Variants in LOXL1 observed in about 807,000 individuals in gnomAD.
The protein encoded by LOXL1 is lysyl oxidase like 1, also known as lysyl oxidase homolog 1.
Under a neutral mutation model 62.2 loss-of-function variants are expected in LOXL1, and 31 were observed. That is an observed-to-expected ratio of 0.50 (90% CI 0.37 to 0.67). The LOEUF is 0.67. LOXL1 is among the 30% of genes least tolerant of loss of function. The probability of loss-of-function intolerance (pLI) is 0.00; values close to 1 mark genes in which losing one functional copy is unlikely to be tolerated. For missense variants in LOXL1, 775 were observed against 843.4 expected, an observed-to-expected ratio of 0.92 and a Z score of 1.00; for synonymous variants, 403 against 384.4, an observed-to-expected ratio of 1.05 and a Z score of -0.56.
At position 73,945,222 on chromosome 15, in the gene LOXL1, T is replaced by A. The variant is rs1030656066; in HGVS notation, c.1212-1195T>A. On this transcript the variant is annotated intron_variant, in intron 2 of 6. Transcript: ENST00000261921. The surrounding 1 kb of genome is among the most constrained non-coding windows in gnomAD (Gnocchi z 4.3). ...AGGTGACTTGCGAGCAGGCAATTCATACCAGACCCATGTTCCCTGAATGGA... is the reference window on the plus strand; with the variant it reads ...AGGTGACTTGCGAGCAGGCAATTCAAACCAGACCCATGTTCCCTGAATGGA... Among the ~76,000 whole-genome samples the A allele has an allele frequency of 1.3e-5, 2 of 152,192 alleles. No homozygotes were observed. The highest frequency in any genetic ancestry group is 4.8e-5 in the African/African-American group (2 of 41,462).
chr15:73,927,280 C>G lies in LOXL1; in HGVS notation c.497C>G (p.Thr166Ser), dbSNP rs138426608. Residue 166 changes from threonine to serine, a missense_variant, in exon 1 of 7, where the codon ACC becomes AGC. Thr to Ser is a moderately conservative substitution (Grantham distance 58). Transcript: ENST00000261921. The part of the protein sequence containing the change: ...SSVSASAFAS[T>S]YRQQPSYPQQ... ...GTCTCGGCTTCGGCCTTCGCCAGCACCTACCGCCAGCAGCCCTCCTACCCG... is the reference window on the plus strand; with the variant it reads ...GTCTCGGCTTCGGCCTTCGCCAGCAGCTACCGCCAGCAGCCCTCCTACCCG... 1.2e-4 allele frequency: 185 copies of G among 1,603,486 alleles called. No individual in the cohort carries two copies. In the African/African-American group the frequency reaches 2.2e-3, roughly 19 times the overall value.
chr15:73,952,128 G>C lies in LOXL1; in HGVS notation c.*291G>C, dbSNP rs749514017. Reference sequence around the variant, plus strand: ...CCAGGTCTGGGCTGAATAAAACAAGGTTTTTCTACTCTGTGGCTCTGCATG... The same window carrying C: ...CCAGGTCTGGGCTGAATAAAACAAGCTTTTTCTACTCTGTGGCTCTGCATG... On this transcript the variant is annotated 3_prime_UTR_variant, in exon 7 of 7. Coordinates refer to ENST00000261921, the MANE Select transcript of LOXL1 (RefSeq NM_005576.4). 5 of 347,292 alleles carry C rather than the reference G, an allele frequency of 1.4e-5. No homozygotes were observed. Among genetic ancestry groups the C allele is most frequent in the Non-Finnish European group, 2.6e-5 (5 of 193,184 alleles). 21.5% of individuals were successfully genotyped at this position (347,292 alleles called of 1,614,324 possible). A position where few individuals can be genotyped will look rare whatever the true frequency, so the allele number is the denominator to read the frequency against.
At position 73,945,255 on chromosome 15, in the gene LOXL1, A is replaced by G. The variant is rs1279487922; in HGVS notation, c.1212-1162A>G. ...CCATGTTCCCTGAATGGAAAAGGGCAGGTTGCCAGCCTGAAGCCATGCAAT... is the reference window on the plus strand; with the variant it reads ...CCATGTTCCCTGAATGGAAAAGGGCGGGTTGCCAGCCTGAAGCCATGCAAT... On this transcript the variant is annotated intron_variant, in intron 2 of 6. Transcript: ENST00000261921. The surrounding 1 kb of genome is among the most constrained non-coding windows in gnomAD (Gnocchi z 4.3). 6.6e-6 allele frequency among the ~76,000 whole-genome samples: 1 copy of G among 152,210 alleles called. No homozygotes were observed. Among genetic ancestry groups the G allele is most frequent in the African/African-American group, 2.4e-5 (1 of 41,450 alleles).
rs904395014 is a variant in LOXL1 at position 73,946,055 on chromosome 15, T to C, written c.1212-362T>C. ...CCCCCGCAATAGGGCTGTTTTTCAG[T>C]GGCCCTTCAGAGATTGCTATGTGCT... On this transcript the variant is annotated intron_variant, in intron 2 of 6. Transcript: ENST00000261921. Among the ~76,000 whole-genome samples the C allele has an allele frequency of 2.6e-5, 4 of 152,206 alleles. No homozygotes were observed. In the East Asian group the frequency reaches 7.7e-4, roughly 29 times the overall value.
rs769399676 is a variant in LOXL1 at position 73,926,817 on chromosome 15, G to T, written c.34G>T (p.Ala12Ser). ...ALARGSRQLG[A>S]LVWGACLCVL... is the part of the protein sequence containing the mutation. Reference sequence around the variant, plus strand: ...GGCCCGAGGCAGCCGGCAGCTGGGGGCCCTGGTGTGGGGCGCCTGCCTGTG... The same window carrying T: ...GGCCCGAGGCAGCCGGCAGCTGGGGTCCCTGGTGTGGGGCGCCTGCCTGTG... The change falls in exon 1 of 7, where the codon GCC (alanine) becomes TCC (serine). Residue 12 changes from alanine to serine, a missense_variant. Coordinates refer to ENST00000261921, the MANE Select transcript of LOXL1 (RefSeq NM_005576.4). The T allele has an allele frequency of 2.0e-6, 3 of 1,504,240 alleles. No homozygotes were observed. The East Asian group carries it at 7.8e-5, about 39-fold the overall frequency. 93.2% of individuals were successfully genotyped at this position (1,504,240 alleles called of 1,614,324 possible). A position where few individuals can be genotyped will look rare whatever the true frequency, so the allele number is the denominator to read the frequency against.
chr15:73,937,587 G>A (rs866723080), intron 1 of LOXL1, among the ~76,000 whole-genome samples: 6 of 152,372 alleles, frequency 3.9e-5, no homozygotes, highest in South Asian at 2.1e-4. Context: ...CACAGAGGCC[G>A]GCACAGGGCC....
At position 73,930,502 on chromosome 15, in the gene LOXL1, C is replaced by G. The variant is rs2068628253; in HGVS notation, c.1102+2617C>G. Among the ~76,000 whole-genome samples the G allele has an allele frequency of 6.6e-6, 1 of 152,170 alleles. No homozygotes were observed. Among genetic ancestry groups the G allele is most frequent in the South Asian group, 2.1e-4 (1 of 4,820 alleles). Reference sequence around the variant, plus strand: ...TGGAAAATCCCAGCCCAGGGAAGGCCAAGCCTTGTGCTTGAGATCAGACCC... The same window carrying G: ...TGGAAAATCCCAGCCCAGGGAAGGCGAAGCCTTGTGCTTGAGATCAGACCC... On this transcript the variant is annotated intron_variant, in intron 1 of 6. Coordinates refer to ENST00000261921, the MANE Select transcript of LOXL1 (RefSeq NM_005576.4). This position sits in a 1 kb window ranked among gnomAD's most constrained non-coding sequence, Gnocchi z 4.7.
chr15:73,927,963 CCTT>C (rs1472552570), intron 1 of LOXL1, 78 bp downstream of exon 1: 11 of 1,231,732 alleles, frequency 8.9e-6, no homozygotes, highest in Non-Finnish European at 1.1e-5. Flanking sequence ...CCGGGCCCCT[CCTT>C]AGAACTTCCT....
intron 1 of LOXL1, among the ~76,000 whole-genome samples, chr15:73,938,058 G>A (rs565623088): frequency 3.3e-5 from 5 of 152,310 alleles, no homozygotes; most frequent in East Asian, 1.9e-4. Context: ...AGGCCAAGGC[G>A]GGTGGAACAC....
intron 1 of LOXL1, among the ~76,000 whole-genome samples, chr15:73,934,966 G>A (rs2068660540): frequency 6.6e-6 from 1 of 152,208 alleles, no homozygotes; most frequent in Non-Finnish European, 1.5e-5. Flanking sequence ...CCCTGAGGCA[G>A]GAGTTCCCTG....
chr15:73,947,410 GC>G (rs2068755826), intron 4 of LOXL1, 187 bp downstream of exon 4: 1 of 565,844 alleles, frequency 1.8e-6, no homozygotes, highest in East Asian at 3.0e-5. Flanking sequence ...CCCTGCCCCA[GC>G]CCCTTTCCCA....
chr15:73,951,333 T>C (rs1262752340), intron 6 of LOXL1, among the ~76,000 whole-genome samples: 1 of 152,100 alleles, frequency 6.6e-6, no homozygotes, highest in African/African-American at 2.4e-5. Context: ...CCAAGAGCTC[T>C]TTACATAAGT....
Position 73,927,756 on chromosome 15 carries a change from C to A in LOXL1, c.973C>A (p.Arg325Ser). 13 of 1,449,900 alleles carry A rather than the reference C, an allele frequency of 9.0e-6. No homozygotes were observed. The highest frequency in any genetic ancestry group is 1.2e-5 in the Non-Finnish European group (13 of 1,107,450). 89.8% of individuals were successfully genotyped at this position (1,449,900 alleles called of 1,614,324 possible). The change falls in exon 1 of 7, where the codon CGC becomes AGC. Residue 325 changes from arginine (R) to serine (S), a missense_variant. By Grantham distance (110) the Arg-to-Ser change is moderately radical. Coordinates refer to ENST00000261921, the MANE Select transcript of LOXL1 (RefSeq NM_005576.4). ...GCCGCCCGAGGCGTACGGGCCGCCG[C>A]GCGCGCTGGAGCCGCCCTACCTGCC... The part of the protein sequence containing the change: ...NPPPEAYGPP[R>S]ALEPPYLPVR...
chr15:73,933,626 T>C (rs2141624532), intron 1 of LOXL1, among the ~76,000 whole-genome samples: 1 of 152,322 alleles, frequency 6.6e-6, no homozygotes, highest in Admixed American at 6.5e-5. Context: ...TCTCAGAAGG[T>C]GTACCCCTCT....
intron 6 of LOXL1, among the ~76,000 whole-genome samples, 157 bp downstream of exon 6, chr15:73,949,731 A>G (rs2068771561): frequency 6.6e-6 from 1 of 152,102 alleles, no homozygotes; most frequent in South Asian, 2.1e-4. Context: ...TGTCCGTGCC[A>G]ACCCCAAGCT....
intron 1 of LOXL1, among the ~76,000 whole-genome samples, chr15:73,938,006 G>GCCCTC (rs2141628323): frequency 6.6e-6 from 1 of 152,330 alleles, no homozygotes; most frequent in South Asian, 2.1e-4. Context: ...CAGGAGGCTG[G>GCCCTC]CCGGGTGCGG....
Position 73,945,316 on chromosome 15 carries a change from GA to G in LOXL1, c.1212-1100del, listed in dbSNP as rs1354166115. On this transcript the variant is annotated intron_variant, in intron 2 of 6. Coordinates refer to ENST00000261921, the MANE Select transcript of LOXL1 (RefSeq NM_005576.4). The surrounding 1 kb of genome is among the most constrained non-coding windows in gnomAD (Gnocchi z 4.3). Reference sequence around the variant, plus strand: ...TGGTCTGGACCCAGTGCAAGATGTAGATGGTATCGGGCTGTGCTGCAGTCAG... The same window carrying G: ...TGGTCTGGACCCAGTGCAAGATGTAGTGGTATCGGGCTGTGCTGCAGTCAG... Among the ~76,000 whole-genome samples, 1 of 152,192 alleles carries G rather than the reference GA, an allele frequency of 6.6e-6. No homozygotes were observed. The highest frequency in any genetic ancestry group is 1.5e-5 in the Non-Finnish European group (1 of 68,038).
intron 1 of LOXL1, among the ~76,000 whole-genome samples, chr15:73,937,003 A>C (rs1349498851): frequency 2.0e-5 from 3 of 152,246 alleles, no homozygotes; most frequent in Admixed American, 6.5e-5. Context: ...CTCATCATCC[A>C]GATGGGGAAA....
At chr15:73,932,043 C>G (rs1241257030) in intron 1 of LOXL1, among the ~76,000 whole-genome samples, 2 of 152,130 alleles carry the variant, frequency 1.3e-5, no homozygotes, top group East Asian at 1.9e-4. Flanking sequence ...AAGGGTACAG[C>G]CGAGCTTGAA....
Sources: gnomAD v4.1 joint callset for allele counts (sites outside exome capture counted in the v4.1 genomes callset) on GRCh38, gnomAD v4.1.1 for gene constraint, Gnocchi (gnomAD v3.1) non-coding constraint, MANE v1.5 for transcripts, NCBI Gene and HGNC (gene_info 2026-07-23, HGNC 2026-07-21) for gene names.